Variants in UGT1A8 observed in about 807,000 individuals in gnomAD.
UGT1A8 encodes UDP-glucuronosyltransferase 1A8.
UGT1A8 carries 39 observed loss-of-function variants against 45.3 expected under a neutral mutation model. The observed-to-expected ratio is 0.86, with a 90% CI of 0.67 to 1.12. The LOEUF is 1.12. UGT1A8 is among the 50% of genes most tolerant of loss of function. The pLI, the probability that UGT1A8 is intolerant of heterozygous loss-of-function variation, is 0.00. For synonymous variants in UGT1A8, 275 were observed against 249.2 expected (o/e 1.10, Z -0.97); for missense variants, 719 against 664.9 (o/e 1.08, Z -0.90).
intron 1 of UGT1A8, among the ~76,000 whole-genome samples, chr2:233,757,535 A>AATATATATACATATATATATATATATAT (rs376887521): frequency 7.9e-5 from 7 of 88,294 alleles, no homozygotes; most frequent in Non-Finnish European, 1.1e-4. Context: ...GCCTGTAAGG[A>AATATATATACATATATATATATATATAT]ATATATATAT....
chr2:233,661,623 T>TTTTCTTTCTTTCTTTTC (rs1265546183), intron 1 of UGT1A8, among the ~76,000 whole-genome samples: 7,562 of 124,004 alleles, frequency 0.061, 374 homozygotes, highest in South Asian at 0.11. Context: ...ACTTACTGAA[T>TTTTCTTTCTTTCTTTTC]TTTCTTTCTT....
At chr2:233,649,025 T>C in intron 1 of UGT1A8, 2 of 1,259,398 alleles carry the variant, frequency 1.6e-6, no homozygotes, top group South Asian at 3.2e-5. Flanking sequence ...CCAGTGCCTA[T>C]GGTAAGTCAT....
In UGT1A8 at chr2:233,768,227, G is replaced by A. The variant is rs751408172; in HGVS notation, c.1083G>A (p.Pro361=). The part of the protein sequence containing the change: ...WLPQNDLLGH[P]MTRAFITHAG... The stretch of plus-strand genomic sequence containing the variant: ...CCCTATTTTGCATCTCAGGTCACCC[G>A]ATGACCCGTGCCTTTATCACCCATG... Residue 361 remains proline, a synonymous_variant, in exon 4 of 5, where the codon CCG becomes CCA. Transcript: ENST00000373450. 1.3e-5 allele frequency: 21 copies of A among 1,614,014 alleles called. No individual in the cohort carries two copies. The highest frequency in any genetic ancestry group is 8.3e-5 in the Admixed American group (5 of 59,996).
chr2:233,679,257 T>C (rs539011577), intron 1 of UGT1A8, among the ~76,000 whole-genome samples: 122 of 152,338 alleles, frequency 8.0e-4, no homozygotes, highest in African/African-American at 2.9e-3. Flanking sequence ...TAAAAGACAG[T>C]CCCTTGCTGG....
At chr2:233,681,183 T>A (rs1209270478) in intron 1 of UGT1A8, among the ~76,000 whole-genome samples, 1 of 151,944 alleles carries the variant, frequency 6.6e-6, no homozygotes, top group Non-Finnish European at 1.5e-5. Flanking sequence ...CCTTGCTCTC[T>A]TTCCGTCGAA....
chr2:233,661,627 C>CTTTCTTTT (rs2073966879), intron 1 of UGT1A8, among the ~76,000 whole-genome samples: 1 of 106,136 alleles, frequency 9.4e-6, no homozygotes, highest in Non-Finnish European at 2.1e-5. Context: ...ACTGAATTTT[C>CTTTCTTTT]TTTCTTTCTT....
chr2:233,697,173 G>A (rs981412328), intron 1 of UGT1A8, among the ~76,000 whole-genome samples: 1 of 152,010 alleles, frequency 6.6e-6, no homozygotes, highest in Non-Finnish European at 1.5e-5. Context: ...TTTTAAAAAT[G>A]GTTGGTAGAA....
At chr2:233,674,575 T>G (rs1268622169) in intron 1 of UGT1A8, among the ~76,000 whole-genome samples, 1 of 152,192 alleles carries the variant, frequency 6.6e-6, no homozygotes, top group African/African-American at 2.4e-5. Flanking sequence ...TTATATCACC[T>G]ATGATAGAGG....
chr2:233,772,868 T>C lies in UGT1A8; in HGVS notation c.*309T>C, dbSNP rs982401399. ...TTCTTACTCTGAAACATGGCCTGTT[T>C]GGGAGTGCGGGATTCAAAGGTGGTC... is the stretch of plus-strand genomic sequence containing the variant. On this transcript the variant is annotated 3_prime_UTR_variant, in exon 5 of 5. Coordinates refer to ENST00000373450, the MANE Select transcript of UGT1A8 (RefSeq NM_019076.5). 2 of 641,930 alleles carry C rather than the reference T, an allele frequency of 3.1e-6. No individual in the cohort carries two copies. The highest frequency in any genetic ancestry group is 3.7e-5 in the African/African-American group (2 of 53,644). 39.8% of individuals were successfully genotyped at this position (641,930 alleles called of 1,614,324 possible).
At chr2:233,758,070 G>T (rs1696791398) in intron 1 of UGT1A8, among the ~76,000 whole-genome samples, 1 of 152,026 alleles carries the variant, frequency 6.6e-6, no homozygotes, top group South Asian at 2.1e-4. Flanking sequence ...TGACTTTCTG[G>T]GCCTAGTTCC....
intron 1 of UGT1A8, chr2:233,719,336 T>C (rs765059694): frequency 5.0e-6 from 8 of 1,613,838 alleles, no homozygotes; most frequent in South Asian, 2.2e-5. Context: ...CTGTGTTTTT[T>C]TGGAGGTACA....
chr2:233,643,736 G>T (rs1390324880), intron 1 of UGT1A8, among the ~76,000 whole-genome samples: 1 of 152,148 alleles, frequency 6.6e-6, no homozygotes, highest in Non-Finnish European at 1.5e-5. Flanking sequence ...TGGTATTCAG[G>T]TTCCAAGGTC....
At chr2:233,679,496 A>T (rs1477928402) in intron 1 of UGT1A8, among the ~76,000 whole-genome samples, 1 of 152,110 alleles carries the variant, frequency 6.6e-6, no homozygotes, top group East Asian at 1.9e-4. Flanking sequence ...CCTGCCTTAC[A>T]TTCTGGTGCT....
intron 1 of UGT1A8, among the ~76,000 whole-genome samples, chr2:233,631,727 A>T (rs2073190239): frequency 6.6e-6 from 1 of 151,892 alleles, no homozygotes; most frequent in Non-Finnish European, 1.5e-5. Context: ...TAGATTCAGG[A>T]TATTAGCCCT....
At chr2:233,691,212 C>T (rs1158477885) in intron 1 of UGT1A8, 4 of 985,482 alleles carry the variant, frequency 4.1e-6, no homozygotes, top group Non-Finnish European at 4.8e-6. Context: ...GTTCCCTTTG[C>T]AACCTTCCTG....
intron 1 of UGT1A8, chr2:233,729,814 C>A (rs776482922): frequency 5.0e-6 from 8 of 1,613,896 alleles, no homozygotes; most frequent in Non-Finnish European, 6.8e-6. Flanking sequence ...TTTTTCTGCT[C>A]CTTATGCAAG....
intron 1 of UGT1A8, among the ~76,000 whole-genome samples, chr2:233,652,551 A>G (rs962125991): frequency 3.9e-5 from 6 of 152,206 alleles, no homozygotes; most frequent in Non-Finnish European, 7.3e-5. Context: ...CACAAAATCA[A>G]TAACTCTTTA....
At chr2:233,647,992 C>G (rs2073645279) in intron 1 of UGT1A8, 1 of 1,607,592 alleles carries the variant, frequency 6.2e-7, no homozygotes, top group African/African-American at 1.3e-5. Flanking sequence ...TCTCAGGGGG[C>G]ATGAGGTGGT....
At chr2:233,732,500 A>G (rs1425812715) in intron 1 of UGT1A8, among the ~76,000 whole-genome samples, 1 of 152,238 alleles carries the variant, frequency 6.6e-6, no homozygotes, top group Non-Finnish European at 1.5e-5. Context: ...GGCGTAAGGA[A>G]GGGATCCTGT....
Sources: allele counts gnomAD v4.1 joint callset (sites outside exome capture counted in the v4.1 genomes callset), GRCh38; gene constraint gnomAD v4.1.1; transcripts MANE v1.5; gene names NCBI Gene and HGNC (gene_info 2026-07-23, HGNC 2026-07-21).